The following C12orf42 variants were observed in gnomAD, a reference collection of about 807,000 sequenced individuals.
C12orf42 encodes the protein uncharacterized protein C12orf42.
A neutral mutation model predicts 21.6 loss-of-function variants in C12orf42; 25 were observed. The ratio of observed to expected loss-of-function variants is 1.16; its 90% CI spans 0.84 to 1.62. The LOEUF is 1.62. Ranked by LOEUF, C12orf42 falls within the 40% of genes most tolerant of loss-of-function variation. The pLI, the probability that C12orf42 is intolerant of heterozygous loss-of-function variation, is 0.00. For missense variants in C12orf42, 483 were observed against 459.3 expected (o/e 1.05, Z -0.47); for synonymous variants, 174 against 175.0 (o/e 0.99, Z 0.05).
At chr12:103,302,680 G>GAAA (rs77313816) in intron 5 of C12orf42, 121 bp from the exon 6 acceptor site, 26,133 of 457,674 alleles carry the variant, frequency 0.057, 607 homozygotes, top group East Asian at 0.1. Context: ...AGAGGGGAAA[G>GAAA]AAAAAAAAAA....
At chr12:103,423,262 C>A (rs73387797) in intron 2 of C12orf42, among the ~76,000 whole-genome samples, 17 of 152,176 alleles carry the variant, frequency 1.1e-4, no homozygotes, top group East Asian at 5.8e-4. Flanking sequence ...GGCCCTCCCC[C>A]CCTTGGCCCC....
chr12:103,451,087 G>C (rs776393833), intron 2 of C12orf42, among the ~76,000 whole-genome samples: 1 of 152,012 alleles, frequency 6.6e-6, no homozygotes, highest in East Asian at 1.9e-4. Flanking sequence ...GTAGGACACC[G>C]CAATGCTGAG....
At chr12:103,111,285 T>C in the C12orf42 span, among the ~76,000 whole-genome samples, 1 of 152,222 alleles carries the variant, frequency 6.6e-6, no homozygotes, top group Non-Finnish European at 1.5e-5. Flanking sequence ...ATTTCTATTT[T>C]CTCCTGTCTG....
chr12:103,172,176 TCTC>T, the C12orf42 span, among the ~76,000 whole-genome samples: 1 of 151,904 alleles, frequency 6.6e-6, no homozygotes, highest in Non-Finnish European at 1.5e-5. Context: ...ATAAGACAGG[TCTC>T]CTGCTTTCAT....
the C12orf42 span, among the ~76,000 whole-genome samples, chr12:103,520,921 C>T: frequency 2.0e-5 from 3 of 152,170 alleles, no homozygotes; most frequent in Non-Finnish European, 4.4e-5. Context: ...AAGCCTTCCC[C>T]CAAAACTCCA....
chr12:103,539,175 CAT>C, the C12orf42 span, among the ~76,000 whole-genome samples: 1 of 152,084 alleles, frequency 6.6e-6, no homozygotes, highest in African/African-American at 2.4e-5. Flanking sequence ...ATGTAATAAA[CAT>C]AATTATTATC....
chr12:103,138,308 G>T, the C12orf42 span, among the ~76,000 whole-genome samples: 1 of 152,190 alleles, frequency 6.6e-6, no homozygotes, highest in Admixed American at 6.5e-5. Flanking sequence ...GAAGGTGGTT[G>T]GATCATGAGG....
chr12:103,305,257 T>C (rs1324853531), intron 5 of C12orf42, among the ~76,000 whole-genome samples: 1 of 152,140 alleles, frequency 6.6e-6, no homozygotes, highest in Non-Finnish European at 1.5e-5. Context: ...TCTTGGAATA[T>C]TTGGAGATCC....
At chr12:103,127,470 A>T in the C12orf42 span, among the ~76,000 whole-genome samples, 7 of 152,112 alleles carry the variant, frequency 4.6e-5, no homozygotes, top group Non-Finnish European at 8.8e-5. Context: ...TTGCTTGCAT[A>T]AAAAAATGCA....
rs1329356215 is a variant in C12orf42 at position 103,250,048 on chromosome 12, A to ATCAAAGACATCTATCTATCTAT, written c.*1367-12168_*1367-12147dup. Among the ~76,000 whole-genome samples the ATCAAAGACATCTATCTATCTAT allele has an allele frequency of 3.4e-5, 5 of 146,176 alleles. No individual in the cohort carries two copies. The East Asian group carries it at 9.9e-4, about 29-fold the overall frequency. ...AATAATATTTTTCCACTTTTAAGAAATCAAAGACATCTATCTATCTATCTA... is the reference window on the plus strand; with the variant it reads ...AATAATATTTTTCCACTTTTAAGAAATCAAAGACATCTATCTATCTATTCAAAGACATCTATCTATCTATCTA... On this transcript the variant is annotated intron_variant and NMD_transcript_variant, in intron 10 of 10. Transcript: ENST00000547347.
At chr12:103,264,806 G>A (rs2035083102), downstream of C12orf42, among the ~76,000 whole-genome samples, 1 of 152,024 alleles carries the variant, frequency 6.6e-6, no homozygotes, top group Admixed American at 6.6e-5. Flanking sequence ...AGTCATATAT[G>A]GCACTTTTAT....
At chr12:103,355,350 T>G (rs1366772134) in intron 4 of C12orf42, among the ~76,000 whole-genome samples, 1 of 152,114 alleles carries the variant, frequency 6.6e-6, no homozygotes, top group East Asian at 1.9e-4. Flanking sequence ...CACTCTTGTC[T>G]GCATATACTT....
chr12:103,313,794 T>C lies in C12orf42; in HGVS notation c.260-7449A>G, dbSNP rs530994697. The stretch of plus-strand genomic sequence containing the variant: ...TAGAAAATTATATCGTTTTCATCCA[T>C]GCAGTGTTTGCCTCAGCTTATACAT... On this transcript the variant is annotated intron_variant, in intron 4 of 5. Transcript: ENST00000548883. Among the ~76,000 whole-genome samples the C allele has an allele frequency of 9.2e-5, 14 of 152,342 alleles. No homozygotes were observed. The East Asian group carries it at 2.1e-3, about 23-fold the overall frequency.
the C12orf42 span, among the ~76,000 whole-genome samples, chr12:103,071,245 T>C: frequency 5.9e-5 from 9 of 152,282 alleles, no homozygotes; most frequent in Non-Finnish European, 1.3e-4. Context: ...TTCTCAGTTA[T>C]GGTCCCTCTC....
At chr12:103,114,147 A>G in the C12orf42 span, among the ~76,000 whole-genome samples, 1 of 152,230 alleles carries the variant, frequency 6.6e-6, no homozygotes, top group Non-Finnish European at 1.5e-5. Context: ...AGAAAAAAAA[A>G]TACATATATA....
At chr12:103,262,368 A>G (rs2034939511) in intron 10 of C12orf42, 1 of 152,220 alleles carries the variant, frequency 6.6e-6, no homozygotes, top group South Asian at 2.1e-4. Context: ...TTATGTGTCA[A>G]AATATACTTA....
the C12orf42 span, among the ~76,000 whole-genome samples, chr12:103,051,092 T>A: frequency 1.3e-5 from 2 of 152,136 alleles, no homozygotes; most frequent in East Asian, 3.8e-4. Context: ...TCTGTAATGA[T>A]CAGTGATGGG....
chr12:103,386,022 C>T (rs2046582812), intron 3 of C12orf42, among the ~76,000 whole-genome samples: 1 of 152,194 alleles, frequency 6.6e-6, no homozygotes, highest in Admixed American at 6.5e-5. Context: ...GCATGCCTGG[C>T]AGCACGGTTC....
chr12:103,158,131 T>G, the C12orf42 span, among the ~76,000 whole-genome samples: 1 of 152,234 alleles, frequency 6.6e-6, no homozygotes, highest in Non-Finnish European at 1.5e-5. Context: ...GAATGTTTAT[T>G]ATACATCACA....
Sources: gnomAD v4.1 joint callset for allele counts (sites outside exome capture counted in the v4.1 genomes callset) on GRCh38, gnomAD v4.1.1 for gene constraint, MANE v1.5 for transcripts, NCBI Gene and HGNC (gene_info 2026-07-23, HGNC 2026-07-21) for gene names.